The following RAB11FIP3 variants were observed in gnomAD, a reference collection of about 807,000 sequenced individuals.
RAB11FIP3 encodes the protein RAB11 family interacting protein 3.
Under a neutral mutation model 77.8 loss-of-function variants are expected in RAB11FIP3, and 17 were observed. The ratio of observed to expected loss-of-function variants is 0.22; its 90% CI spans 0.15 to 0.33. The LOEUF is 0.33. RAB11FIP3 is among the 10% of genes least tolerant of loss of function. The probability of loss-of-function intolerance (pLI) is 1.00; values close to 1 mark genes in which losing one functional copy is unlikely to be tolerated. For synonymous variants in RAB11FIP3, 437 were observed against 448.2 expected (o/e 0.98, Z 0.31); for missense variants, 1,005 against 1,011.2 (o/e 0.99, Z 0.08).
chr16:468,452 G>A (rs546546372), intron 2 of RAB11FIP3, among the ~76,000 whole-genome samples: 18 of 152,160 alleles, frequency 1.2e-4, no homozygotes, highest in African/African-American at 2.4e-5. Context: ...AAACGAAGTC[G>A]AAGATGATTT....
intron 5 of RAB11FIP3, among the ~76,000 whole-genome samples, chr16:494,342 G>A (rs1193281430): frequency 2.6e-5 from 4 of 151,656 alleles, no homozygotes; most frequent in Non-Finnish European, 5.9e-5. Flanking sequence ...TTGTATTAAG[G>A]CTGGGTGCGG....
intron 1 of RAB11FIP3, among the ~76,000 whole-genome samples, chr16:442,858 T>C (rs1410181675): frequency 6.6e-6 from 1 of 152,192 alleles, no homozygotes; most frequent in African/African-American, 2.4e-5. Context: ...TCTTCCTCTC[T>C]TCTACCACTC....
At chr16:441,184 C>T (rs1322008241) in intron 1 of RAB11FIP3, among the ~76,000 whole-genome samples, 1 of 152,090 alleles carries the variant, frequency 6.6e-6, no homozygotes, top group Non-Finnish European at 1.5e-5. Flanking sequence ...TCAGGTGATC[C>T]ACCTGCCTCA....
At chr16:463,560 T>A (rs1489105080) in intron 2 of RAB11FIP3, among the ~76,000 whole-genome samples, 1 of 148,322 alleles carries the variant, frequency 6.7e-6, no homozygotes, top group Non-Finnish European at 1.5e-5. Flanking sequence ...TGCCTCAGCC[T>A]CCCGAGTACC....
chr16:492,833 A>G (rs2030707918), intron 5 of RAB11FIP3, among the ~76,000 whole-genome samples: 1 of 152,200 alleles, frequency 6.6e-6, no homozygotes, highest in South Asian at 2.1e-4. Context: ...TAGCTCCAAG[A>G]TGGCCATGGT....
intron 5 of RAB11FIP3, among the ~76,000 whole-genome samples, chr16:490,191 A>G (rs1466738881): frequency 1.3e-5 from 2 of 152,166 alleles, no homozygotes; most frequent in Non-Finnish European, 2.9e-5. Context: ...TGAGCTTCCA[A>G]ATGGTTTCCC....
intron 1 of RAB11FIP3, among the ~76,000 whole-genome samples, chr16:449,646 C>CA (rs34916740): frequency 0.45 from 54,916 of 121,392 alleles, 11,991 homozygotes; most frequent in Middle Eastern, 0.56. Context: ...GACCCTATCT[C>CA]AAAAAAAAAA....
At chr16:501,354 T>TC (rs1226332218) in intron 6 of RAB11FIP3, among the ~76,000 whole-genome samples, 11 of 138,756 alleles carry the variant, frequency 7.9e-5, no homozygotes, top group Non-Finnish European at 1.5e-4. Flanking sequence ...TCGGAGAGGG[T>TC]CCCCCCATTT....
intron 4 of RAB11FIP3, among the ~76,000 whole-genome samples, chr16:487,865 TTAAAG>T (rs1447891131): frequency 8.5e-5 from 13 of 152,246 alleles, no homozygotes; most frequent in Admixed American, 2.0e-4. Flanking sequence ...ACGTTTTAGC[TTAAAG>T]TAGAGTTTGA....
intron 5 of RAB11FIP3, among the ~76,000 whole-genome samples, chr16:492,487 T>TC (rs35939837): frequency 0.11 from 2,642 of 23,504 alleles, 413 homozygotes; most frequent in Admixed American, 0.14. Flanking sequence ...CCCAGGGCCC[T>TC]CCCGGGAGAC....
At chr16:431,382 C>CTT (rs773557516) in intron 1 of RAB11FIP3, among the ~76,000 whole-genome samples, 4 of 143,454 alleles carry the variant, frequency 2.8e-5, no homozygotes, top group African/African-American at 1.0e-4. Context: ...TCTTTTCAGA[C>CTT]TTTTTTTTTT....
rs2178725 is a variant in RAB11FIP3 at position 472,672 on chromosome 16, C to T, written c.903+1283C>T. Among the ~76,000 whole-genome samples, 60,945 of 152,048 alleles carry T rather than the reference C, an allele frequency of 0.4. 13,801 individuals carry two copies. The highest frequency in any genetic ancestry group is 0.53 in the Middle Eastern group (155 of 294). ...CTGTGCACTCTTTCTCACGTGTATC[C>T]GTCTTTTTGTTCCCCTCTCATGTTT... On this transcript the variant is annotated intron_variant, in intron 3 of 13. Transcript: ENST00000262305. This position sits in a 1 kb window ranked among gnomAD's most constrained non-coding sequence, Gnocchi z 4.1.
chr16:496,889 A>G, intron 6 of RAB11FIP3, 30 bp downstream of exon 6: 1 of 1,537,944 alleles, frequency 6.5e-7, no homozygotes, highest in East Asian at 2.2e-5. Context: ...CTGCTGAAAA[A>G]CGTTCTGAAG....
At chr16:435,204 CAAAAA>C (rs371438435) in intron 1 of RAB11FIP3, among the ~76,000 whole-genome samples, 1 of 83,150 alleles carries the variant, frequency 1.2e-5, no homozygotes, top group African/African-American at 4.5e-5. Context: ...GACTCCGTCT[CAAAAA>C]AAAAAAAAAA....
chr16:464,881 T>C (rs970652769), intron 2 of RAB11FIP3, among the ~76,000 whole-genome samples: 3 of 152,202 alleles, frequency 2.0e-5, no homozygotes, highest in Non-Finnish European at 4.4e-5. Context: ...TGACAGACCC[T>C]GTCTCAAAAA....
At chr16:435,098 G>A (rs947591569) in intron 1 of RAB11FIP3, among the ~76,000 whole-genome samples, 10 of 151,664 alleles carry the variant, frequency 6.6e-5, no homozygotes, top group Middle Eastern at 3.4e-3. Context: ...CCAGCTACTC[G>A]GGAGGCTGAG....
intron 3 of RAB11FIP3, among the ~76,000 whole-genome samples, chr16:480,890 A>C (rs1267785548): frequency 9.0e-6 from 1 of 110,596 alleles, no homozygotes; most frequent in Admixed American, 9.2e-5. Flanking sequence ...AGCTCACCAC[A>C]ACATCCACCT....
At chr16:499,036 C>G (rs546026230) in intron 6 of RAB11FIP3, among the ~76,000 whole-genome samples, 1 of 151,914 alleles carries the variant, frequency 6.6e-6, no homozygotes, top group Non-Finnish European at 1.5e-5. Flanking sequence ...AATGGAGAAA[C>G]CCCATCTCTA....
chr16:509,622 C>T (rs941445466), intron 8 of RAB11FIP3, among the ~76,000 whole-genome samples: 2 of 151,630 alleles, frequency 1.3e-5, no homozygotes, highest in East Asian at 3.9e-4. Context: ...GTCTCCCTGC[C>T]CTGTGGGAAT....
Sources: allele counts gnomAD v4.1 joint callset (sites outside exome capture counted in the v4.1 genomes callset), GRCh38; gene constraint gnomAD v4.1.1; non-coding constraint Gnocchi (gnomAD v3.1); transcripts MANE v1.5; gene names NCBI Gene and HGNC (gene_info 2026-07-23, HGNC 2026-07-21).